The following ESRRG variants were observed in gnomAD, a reference collection of about 807,000 sequenced individuals.
The protein encoded by ESRRG is estrogen related receptor gamma, also known as estrogen-related receptor gamma.
A neutral mutation model predicts 44.0 loss-of-function variants in ESRRG; 13 were observed. The observed-to-expected ratio is 0.30, with a 90% confidence interval of 0.19 to 0.47. The LOEUF (loss-of-function observed/expected upper bound fraction) is 0.47. Ranked by LOEUF, ESRRG falls within the 20% of genes least tolerant of loss-of-function variation. The pLI is 1.00. For missense variants in ESRRG, 395 were observed against 580.6 expected (o/e 0.68, Z 3.29); for synonymous variants, 215 against 214.6 (o/e 1.00, Z -0.02).
At chr1:216,691,958 A>G (rs527247158) in intron 1 of ESRRG, among the ~76,000 whole-genome samples, 76 of 152,336 alleles carry the variant, frequency 5.0e-4, no homozygotes, top group African/African-American at 1.8e-3. Context: ...TGGTGTAAAC[A>G]AACACATTGC....
At chr1:216,718,280 A>G (rs1332030407) in intron 1 of ESRRG, among the ~76,000 whole-genome samples, 1 of 151,888 alleles carries the variant, frequency 6.6e-6, no homozygotes, top group Non-Finnish European at 1.5e-5. Context: ...TTAGCAGCAT[A>G]CCTATAATCT....
chr1:216,631,522 C>A (rs2150703167), intron 3 of ESRRG, among the ~76,000 whole-genome samples: 1 of 152,060 alleles, frequency 6.6e-6, no homozygotes, highest in African/African-American at 2.4e-5. Context: ...TATAAACAGC[C>A]CAGGCTCTCT....
intron 2 of ESRRG, among the ~76,000 whole-genome samples, chr1:216,869,921 C>T (rs902638720): frequency 4.6e-5 from 7 of 151,894 alleles, no homozygotes; most frequent in African/African-American, 7.2e-5. Flanking sequence ...GCTAAATTCA[C>T]TTATTATGTC....
chr1:216,815,827 C>T (rs535669618), intron 2 of ESRRG, among the ~76,000 whole-genome samples: 48 of 152,252 alleles, frequency 3.2e-4, no homozygotes, highest in African/African-American at 8.4e-4. Context: ...AACTATTCCC[C>T]GCCCCCAGCT....
At chr1:216,865,681 A>G (rs2096143599) in intron 2 of ESRRG, among the ~76,000 whole-genome samples, 1 of 152,188 alleles carries the variant, frequency 6.6e-6, no homozygotes, top group African/African-American at 2.4e-5. Flanking sequence ...CCAATGGACC[A>G]TTTAATTTTC....
chr1:216,754,612 C>T (rs967247610), intron 2 of ESRRG, among the ~76,000 whole-genome samples: 6 of 151,548 alleles, frequency 4.0e-5, no homozygotes, highest in African/African-American at 1.5e-4. Context: ...ATTCAGCCGC[C>T]GGGCTCTATT....
At chr1:216,550,030 A>G (rs1572781966) in intron 5 of ESRRG, among the ~76,000 whole-genome samples, 1 of 152,054 alleles carries the variant, frequency 6.6e-6, no homozygotes, top group Non-Finnish European at 1.5e-5. Context: ...TTTGCTTGCC[A>G]TTGTGGGGAC....
chr1:217,097,030 C>A (rs1312059805), intron 1 of ESRRG, among the ~76,000 whole-genome samples: 1 of 152,162 alleles, frequency 6.6e-6, no homozygotes, highest in Non-Finnish European at 1.5e-5. Context: ...GCCTGGGCAA[C>A]ATGGCAAAAC....
intron 2 of ESRRG, among the ~76,000 whole-genome samples, chr1:216,888,535 G>T (rs1255069668): frequency 3.9e-5 from 6 of 152,008 alleles, no homozygotes; most frequent in African/African-American, 1.4e-4. Flanking sequence ...CTTTCAGCAT[G>T]TCCAGCAAGA....
At chr1:216,509,951 A>G (rs1392961888) in intron 6 of ESRRG, among the ~76,000 whole-genome samples, 1 of 152,208 alleles carries the variant, frequency 6.6e-6, no homozygotes, top group Non-Finnish European at 1.5e-5. Flanking sequence ...ACCAGGCTCA[A>G]TAGAACTGGC....
At position 216,663,084 on chromosome 1, in the gene ESRRG, T is replaced by C. The variant is rs1206139546; in HGVS notation, c.473-11995A>G. On this transcript the variant is annotated intron_variant, in intron 2 of 6. Transcript: ENST00000408911. ...TAAAGAAATCTTTGTAAATTGATAA[T>C]AACTGAGAAGAACAGATGGAAGAAT... Among the ~76,000 whole-genome samples, 5 of 152,190 alleles carry C rather than the reference T, an allele frequency of 3.3e-5. No homozygotes were observed. In the East Asian group the frequency reaches 9.6e-4, roughly 29 times the overall value.
chr1:216,955,749 G>A (rs897626043), intron 1 of ESRRG, among the ~76,000 whole-genome samples: 12 of 152,086 alleles, frequency 7.9e-5, no homozygotes, highest in Non-Finnish European at 1.5e-4. Flanking sequence ...TAAATGAAGC[G>A]AAATGATATC....
At chr1:217,121,751 A>G (rs1292414223) in intron 1 of ESRRG, among the ~76,000 whole-genome samples, 1 of 152,212 alleles carries the variant, frequency 6.6e-6, no homozygotes, top group Admixed American at 6.5e-5. Flanking sequence ...ACTGGGATTT[A>G]ACATCGGAGA....
chr1:217,042,844 G>A (rs988879140), intron 1 of ESRRG, among the ~76,000 whole-genome samples: 88 of 152,106 alleles, frequency 5.8e-4, no homozygotes, highest in African/African-American at 2.1e-3. Flanking sequence ...CCAGGGAACT[G>A]CTAATTGTCA....
intron 5 of ESRRG, among the ~76,000 whole-genome samples, chr1:216,556,861 T>C (rs1203182012): frequency 6.6e-6 from 1 of 152,076 alleles, no homozygotes; most frequent in Non-Finnish European, 1.5e-5. Flanking sequence ...GGGTCTGACA[T>C]AGAGCTCATT....
At chr1:216,703,322 A>G (rs560882442) in intron 1 of ESRRG, among the ~76,000 whole-genome samples, 1 of 152,312 alleles carries the variant, frequency 6.6e-6, no homozygotes, top group Admixed American at 6.5e-5. Context: ...AATCACACAT[A>G]AAAATCTTAT....
In ESRRG at chr1:216,616,238, C is replaced by T. The variant is rs140467950; in HGVS notation, c.589+34735G>A. On this transcript the variant is annotated intron_variant, in intron 3 of 6. Transcript: ENST00000408911. The stretch of plus-strand genomic sequence containing the variant: ...TAACTACCTCAAAGCTACCCAAACC[C>T]GTGGGTGCAGGTGGCTTTTGTTAAC... 2.7e-4 allele frequency among the ~76,000 whole-genome samples: 41 copies of T among 152,190 alleles called. No homozygotes were observed. In the East Asian group the frequency reaches 7.0e-3, roughly 26 times the overall value.
intron 3 of ESRRG, among the ~76,000 whole-genome samples, chr1:216,626,844 T>A (rs113794780): frequency 1.3e-5 from 2 of 152,186 alleles, no homozygotes; most frequent in Admixed American, 1.3e-4. Flanking sequence ...GTTCTAAAAA[T>A]GAGAGAGTCA....
At chr1:216,740,898 T>TTTTA (rs1553560632) in intron 2 of ESRRG, among the ~76,000 whole-genome samples, 6 of 149,898 alleles carry the variant, frequency 4.0e-5, no homozygotes, top group African/African-American at 7.3e-5. Context: ...CAAAATGGGA[T>TTTTA]TATATATACA....
Sources: allele counts gnomAD v4.1 joint callset (sites outside exome capture counted in the v4.1 genomes callset), GRCh38; gene constraint gnomAD v4.1.1; transcripts MANE v1.5; gene names NCBI Gene and HGNC (gene_info 2026-07-23, HGNC 2026-07-21).